Variants in GABRA5 observed in about 807,000 individuals in gnomAD.
GABRA5 encodes gamma-aminobutyric acid type A receptor subunit alpha5, also known as gamma-aminobutyric acid receptor subunit alpha-5.
Under a neutral mutation model 47.3 loss-of-function variants are expected in GABRA5, and 18 were observed. That is an observed-to-expected ratio of 0.38 (90% CI 0.26 to 0.56). The LOEUF (loss-of-function observed/expected upper bound fraction) is 0.56. Ranked by LOEUF, GABRA5 falls within the 20% of genes least tolerant of loss-of-function variation. The pLI is 0.71. For missense variants in GABRA5, 365 were observed against 599.3 expected, an observed-to-expected ratio of 0.61 and a Z score of 4.08; for synonymous variants, 237 against 229.3, an observed-to-expected ratio of 1.03 and a Z score of -0.30.
chr15:26,881,925 C>T (rs1297054677), intron 4 of GABRA5, among the ~76,000 whole-genome samples: 1 of 152,250 alleles, frequency 6.6e-6, no homozygotes, highest in South Asian at 2.1e-4. Context: ...GTCTTAAACT[C>T]CAGACCGCAG....
In GABRA5 at chr15:26,867,177, G is replaced by A. The variant is rs976908648; in HGVS notation, c.-140+66G>A. ...CTGCGGCGGGCGGCGCGCGGCCCGG[G>A]GCGCGGCGCGGAGCGGAGCTGCAGG... is the stretch of plus-strand genomic sequence containing the variant. On this transcript the variant is annotated intron_variant, in intron 1 of 10. Transcript: ENST00000335625. The surrounding 1 kb of genome is among the most constrained non-coding windows in gnomAD (Gnocchi z 5.9). The A allele has an allele frequency of 2.0e-5, 3 of 148,834 alleles. No homozygotes were observed. Among genetic ancestry groups the A allele is most frequent in the African/African-American group, 7.3e-5 (3 of 40,950 alleles). The allele number at this position is 148,834 out of a possible 1,614,324, so 9.2% of individuals were successfully genotyped here. A position where few individuals can be genotyped will look rare whatever the true frequency, so the allele number is the denominator to read the frequency against.
At chr15:26,932,028 A>G (rs977351502) in intron 7 of GABRA5, among the ~76,000 whole-genome samples, 6 of 152,222 alleles carry the variant, frequency 3.9e-5, no homozygotes, top group Non-Finnish European at 8.8e-5. Flanking sequence ...GGAAGAAAAT[A>G]TAGGCAATGC....
rs146749960 is a variant in GABRA5, at chr15:26,910,587, G to A, written c.498-4216G>A. 1.1e-3 allele frequency among the ~76,000 whole-genome samples: 109 copies of A among 99,916 alleles called. 1 individual carries two copies. The East Asian group carries it at 0.026, about 24-fold the overall frequency. The allele number at this position is 99,916 out of a possible 152,430, so 65.5% of individuals were successfully genotyped here. A position where few individuals can be genotyped will look rare whatever the true frequency, so the allele number is the denominator to read the frequency against. ...TGCACTCCAGCCTGGGTGACAGAAC[G>A]AGACTCCATCAAAAAAAAAAAAAAA... On this transcript the variant is annotated intron_variant, in intron 6 of 10. Coordinates refer to ENST00000335625, the MANE Select transcript of GABRA5 (RefSeq NM_000810.4).
chr15:26,882,628 G>A (rs2140254818), intron 4 of GABRA5, among the ~76,000 whole-genome samples: 1 of 152,226 alleles, frequency 6.6e-6, no homozygotes, highest in South Asian at 2.1e-4. Flanking sequence ...ATAACAGTTC[G>A]AAACGCTACA....
chr15:26,932,074 C>T (rs887537960), intron 7 of GABRA5, among the ~76,000 whole-genome samples: 2 of 152,150 alleles, frequency 1.3e-5, no homozygotes, highest in African/African-American at 4.8e-5. Flanking sequence ...GATTTTATGA[C>T]AAAAATGTCA....
intron 7 of GABRA5, among the ~76,000 whole-genome samples, chr15:26,921,147 G>A (rs1470050090): frequency 6.6e-6 from 1 of 151,966 alleles, no homozygotes; most frequent in East Asian, 1.9e-4. Context: ...TTCATAAAGT[G>A]GGAAGTATTC....
intron 7 of GABRA5, among the ~76,000 whole-genome samples, chr15:26,931,199 G>A (rs1028189710): frequency 1.3e-5 from 2 of 152,050 alleles, no homozygotes; most frequent in Admixed American, 6.6e-5. Flanking sequence ...GCGCCCGGCC[G>A]CCAATTTCTA....
intron 10 of GABRA5, among the ~76,000 whole-genome samples, chr15:26,945,913 CCA>C (rs891581954): frequency 6.6e-6 from 1 of 151,964 alleles, no homozygotes; most frequent in African/African-American, 2.4e-5. Flanking sequence ...TTGGTTCTAC[CCA>C]GAGATAGAAC....
Position 26,869,312 on chromosome 15 carries a change from A to G in GABRA5, c.64A>G (p.Met22Val). ...IKNLLLFCISMNLSSHFGFSQ... is the reference protein window; with the variant it reads ...IKNLLLFCISVNLSSHFGFSQ... ...AAACCTCCTTCTCTTTTGTATTTCC[A>G]TGAACTTATCCAGTCACTTTGGGTA... The change falls in exon 3 of 11, where the codon ATG becomes GTG. Residue 22 changes from methionine (M) to valine (V), a missense_variant. Physicochemically the swap from Met to Val is conservative, Grantham distance 21 (BLOSUM62 1). Transcript: ENST00000335625. 6.2e-7 allele frequency: 1 copy of G among 1,606,032 alleles called. No homozygotes were observed. Among genetic ancestry groups the G allele is most frequent in the Non-Finnish European group, 8.5e-7 (1 of 1,172,716 alleles).
rs370978400 is a variant in GABRA5 at position 26,914,679 on chromosome 15, G to C, written c.498-124G>C. 555 of 705,664 alleles carry C rather than the reference G, an allele frequency of 7.9e-4. 3 individuals are homozygous for C. The African/African-American group carries it at 8.9e-3, about 11-fold the overall frequency. The allele number at this position is 705,664 out of a possible 1,614,324, so 43.7% of individuals were successfully genotyped here. A position where few individuals can be genotyped will look rare whatever the true frequency, so the allele number is the denominator to read the frequency against. ...TACGTAATTTGGTGGGGATAGTTCA[G>C]ATAATCTCATAAGAGACATTAATTT... On this transcript the variant is annotated intron_variant, in intron 6 of 10. Coordinates refer to ENST00000335625, the MANE Select transcript of GABRA5 (RefSeq NM_000810.4).
At chr15:26,891,478 C>A (rs1383825897) in intron 6 of GABRA5, among the ~76,000 whole-genome samples, 1 of 152,120 alleles carries the variant, frequency 6.6e-6, no homozygotes, top group Non-Finnish European at 1.5e-5. Flanking sequence ...AGCAAGCATG[C>A]AACAGGAAGC....
At position 26,883,845 on chromosome 15, in the gene GABRA5, A is replaced by C. The variant is rs565434885; in HGVS notation, c.497+288A>C. ...GCCCATATAATGTCGGATAGGGAAA[A>C]ATTATTATATTAAACTTAAACATCT... is the stretch of plus-strand genomic sequence containing the variant. On this transcript the variant is annotated intron_variant, in intron 6 of 10. Transcript: ENST00000335625. The surrounding 1 kb of genome is among the most constrained non-coding windows in gnomAD (Gnocchi z 4.8). Among the ~76,000 whole-genome samples, 172 of 152,184 alleles carry C rather than the reference A, an allele frequency of 1.1e-3. 1 individual carries two copies. Among genetic ancestry groups the C allele is most frequent in the African/African-American group, 4.1e-3 (169 of 41,514 alleles).
intron 6 of GABRA5, among the ~76,000 whole-genome samples, chr15:26,895,718 C>T (rs1224161707): frequency 6.7e-6 from 1 of 150,314 alleles, no homozygotes; most frequent in African/African-American, 2.5e-5. Flanking sequence ...GAGGCGGAGG[C>T]AGGAGAATCG....
intron 9 of GABRA5, among the ~76,000 whole-genome samples, chr15:26,941,470 C>T (rs971314429): frequency 1.3e-5 from 2 of 152,018 alleles, no homozygotes; most frequent in African/African-American, 4.8e-5. Flanking sequence ...CTATTGATTC[C>T]TTTGGAAGTG....
intron 3 of GABRA5, chr15:26,877,762 T>C (rs1892633188): frequency 4.6e-6 from 2 of 435,350 alleles, no homozygotes; most frequent in South Asian, 3.3e-5. Context: ...TTGTAGAGAA[T>C]ATGCATTCAA....
At chr15:26,886,777 T>G (rs1892890582) in intron 6 of GABRA5, among the ~76,000 whole-genome samples, 1 of 152,176 alleles carries the variant, frequency 6.6e-6, no homozygotes, top group African/African-American at 2.4e-5. Context: ...AGTGGCTGTT[T>G]GTGCGGAGGA....
intron 10 of GABRA5, 126 bp from the exon 11 acceptor site, chr15:26,947,808 G>A: frequency 1.3e-6 from 1 of 784,104 alleles, no homozygotes; most frequent in Non-Finnish European, 2.0e-6. Flanking sequence ...GACATCAGTG[G>A]AGGAGGGCCC....
rs376650533 is a variant in GABRA5 at position 26,948,179 on chromosome 15, G to C, written c.1335G>C (p.Trp445Cys). The C allele has an allele frequency of 3.1e-6, 5 of 1,613,672 alleles. No individual in the cohort carries two copies. Residue 445 changes from tryptophan (W) to cysteine (C), a missense_variant, in exon 11 of 11, where the codon TGG (tryptophan) becomes TGC (cysteine). By Grantham distance (215) the Trp-to-Cys change is radical. This residue lies in a region of GABRA5 where 106 missense variants were observed against 130.3 expected (regional missense o/e 0.81). Transcript: ENST00000335625. Reference sequence around the variant, plus strand: ...TCGGCACTTTCAACTTAGTTTACTGGGCAACGTATTTGAATAGGGAGCCGG... The same window carrying C: ...TCGGCACTTTCAACTTAGTTTACTGCGCAACGTATTTGAATAGGGAGCCGG... Reference protein sequence around the residue: ...VLFGTFNLVYWATYLNREPVI... With the variant: ...VLFGTFNLVYCATYLNREPVI...
intron 6 of GABRA5, among the ~76,000 whole-genome samples, chr15:26,909,354 T>A (rs560697487): frequency 3.3e-4 from 51 of 152,262 alleles, no homozygotes; most frequent in Non-Finnish European, 6.0e-4. Context: ...ATTCACCACA[T>A]CTGAAAAGTC....
Sources: gnomAD v4.1 joint callset for allele counts (sites outside exome capture counted in the v4.1 genomes callset) on GRCh38, gnomAD v4.1.1 for gene constraint, gnomAD v4.1.1 regional missense constraint, Gnocchi (gnomAD v3.1) non-coding constraint, MANE v1.5 for transcripts, NCBI Gene and HGNC (gene_info 2026-07-23, HGNC 2026-07-21) for gene names.